The following NTAQ1 variants were observed in gnomAD, a reference collection of about 807,000 sequenced individuals.
NTAQ1 encodes the protein N-terminal glutamine amidase 1, also known as protein N-terminal glutamine amidohydrolase.
Under a neutral mutation model 28.2 loss-of-function variants are expected in NTAQ1, and 21 were observed. The observed-to-expected ratio is 0.74, with a 90% confidence interval of 0.53 to 1.07. The LOEUF (loss-of-function observed/expected upper bound fraction) is 1.07, where lower values mean the gene tolerates loss of function less well. NTAQ1 is among the 50% of genes least tolerant of loss of function. The probability of loss-of-function intolerance (pLI) is 0.00; values close to 1 mark genes in which losing one functional copy is unlikely to be tolerated. For missense variants in NTAQ1, 264 were observed against 256.6 expected, an observed-to-expected ratio of 1.03 and a Z score of -0.20; for synonymous variants, 105 against 90.0, an observed-to-expected ratio of 1.17 and a Z score of -0.94.
Position 123,436,493 on chromosome 8 carries a change from A to G in NTAQ1, c.275A>G (p.Gln92Arg). 2 of 1,613,900 alleles carry G rather than the reference A, an allele frequency of 1.2e-6. No homozygotes were observed. Among genetic ancestry groups the G allele is most frequent in the Non-Finnish European group, 1.7e-6 (2 of 1,179,898 alleles). Residue 92 changes from glutamine (Q) to arginine (R), a missense_variant, in exon 4 of 6, where the codon CAG becomes CGG. Transcript: ENST00000287387. ...VVLLHVSSGGQNFIYDLDTVL... is the reference protein window; with the variant it reads ...VVLLHVSSGGRNFIYDLDTVL... ...TTGCTTCATGTTTCAAGTGGAGGACAGAACTTCATTTATGATCTCGATACT... is the reference window on the plus strand; with the variant it reads ...TTGCTTCATGTTTCAAGTGGAGGACGGAACTTCATTTATGATCTCGATACT...
downstream of NTAQ1, among the ~76,000 whole-genome samples, chr8:123,449,446 T>C (rs527685389): frequency 1.4e-3 from 216 of 152,308 alleles, 1 homozygote; most frequent in African/African-American, 5.0e-3. Context: ...CTGCGTGTGG[T>C]GGCTCATGCC....
At chr8:123,450,648 C>T (rs6999104), downstream of NTAQ1, among the ~76,000 whole-genome samples, 39 of 152,280 alleles carry the variant, frequency 2.6e-4, no homozygotes, top group African/African-American at 9.4e-4. Flanking sequence ...TGACTCGATC[C>T]ATCCCTTGGT....
At chr8:123,436,319 C>A in intron 3 of NTAQ1, 134 bp from the exon 4 acceptor site, 1 of 701,206 alleles carries the variant, frequency 1.4e-6, no homozygotes, top group Non-Finnish European at 2.2e-6. Flanking sequence ...GTTGTGTTTG[C>A]TTTATTCTAT....
downstream of NTAQ1, among the ~76,000 whole-genome samples, chr8:123,445,751 G>A (rs1016413808): frequency 5.3e-5 from 8 of 151,776 alleles, no homozygotes; most frequent in South Asian, 2.1e-4. Flanking sequence ...GATTACAGGC[G>A]TGCACCACCA....
At chr8:123,426,636 G>C (rs1164406677) in intron 1 of NTAQ1, among the ~76,000 whole-genome samples, 2 of 151,592 alleles carry the variant, frequency 1.3e-5, no homozygotes, top group Non-Finnish European at 2.9e-5. Context: ...ACTTCATTCA[G>C]CCTGGGCTAT....
intron 3 of NTAQ1, chr8:123,435,391 T>C: frequency 2.4e-6 from 2 of 849,450 alleles, no homozygotes; most frequent in African/African-American, 1.8e-5. Flanking sequence ...TTTCTTTTAA[T>C]TGCAAAAGTG....
intron 1 of NTAQ1, among the ~76,000 whole-genome samples, chr8:123,422,109 C>CCTGT (rs36113847): frequency 0.71 from 107,897 of 151,676 alleles, 38,712 homozygotes; most frequent in East Asian, 0.93. Context: ...AGCCACTGTG[C>CCTGT]CTATCTGCTT....
Position 123,424,107 on chromosome 8 carries a change from C to G in NTAQ1, c.84-3817C>G, listed in dbSNP as rs373254208. On this transcript the variant is annotated intron_variant, in intron 1 of 5. Coordinates refer to ENST00000287387, the MANE Select transcript of NTAQ1 (RefSeq NM_018024.3). ...TTTTTTTTTGAGATGAAGTCTCACTCTGTCACCCAGGCTGGAGTGCAGTGG... is the reference window on the plus strand; with the variant it reads ...TTTTTTTTTGAGATGAAGTCTCACTGTGTCACCCAGGCTGGAGTGCAGTGG... 5.7e-3 allele frequency among the ~76,000 whole-genome samples: 735 copies of G among 130,056 alleles called. 6 individuals carry two copies. The highest frequency in any genetic ancestry group is 0.011 in the Middle Eastern group (2 of 188). The allele number at this position is 130,056 out of a possible 152,430, so 85.3% of individuals were successfully genotyped here.
downstream of NTAQ1, among the ~76,000 whole-genome samples, chr8:123,443,598 A>G (rs1183673265): frequency 1.3e-5 from 2 of 150,682 alleles, no homozygotes; most frequent in East Asian, 3.9e-4. Flanking sequence ...TGTTTTTGAG[A>G]CTCTCTTGCT....
At chr8:123,436,627 T>C in intron 4 of NTAQ1, 26 bp downstream of exon 4, 1 of 1,596,458 alleles carries the variant, frequency 6.3e-7, no homozygotes, top group South Asian at 1.2e-5. Flanking sequence ...ATGGATTTAC[T>C]TATTTTCTGA....
At chr8:123,445,438 A>G (rs1815239328), downstream of NTAQ1, among the ~76,000 whole-genome samples, 1 of 152,196 alleles carries the variant, frequency 6.6e-6, no homozygotes, top group Admixed American at 6.5e-5. Flanking sequence ...GAAAATATCT[A>G]CATTATTTTT....
chr8:123,462,467 A>G (rs1000843429), intron 6 of NTAQ1, among the ~76,000 whole-genome samples: 2 of 152,200 alleles, frequency 1.3e-5, no homozygotes, highest in Non-Finnish European at 2.9e-5. Context: ...TTTTTGAAGT[A>G]CACAAGGCAC....
rs1442817942 is a variant in NTAQ1, at chr8:123,437,320, G to T, written c.494G>T (p.Cys165Phe). 2 of 1,614,108 alleles carry T rather than the reference G, an allele frequency of 1.2e-6. No individual in the cohort carries two copies. Among genetic ancestry groups the T allele is most frequent in the East Asian group, 4.5e-5 (2 of 44,888 alleles). ...AGAGAGCCTCCGCCGCCATATCCCT[G>T]CATTGAGACTGGAGGTGAGCCAAGA... is the stretch of plus-strand genomic sequence containing the variant. The part of the protein sequence containing the change: ...NWREPPPPYP[C>F]IETGDSKMNL... Residue 165 changes from cysteine (C) to phenylalanine (F), a missense_variant, in exon 5 of 6, where the codon TGC becomes TTC. Physicochemically the swap from Cys to Phe is radical, Grantham distance 205. Transcript: ENST00000287387.
intron 5 of NTAQ1, among the ~76,000 whole-genome samples, chr8:123,440,889 T>C (rs1815025359): frequency 1.3e-5 from 2 of 152,266 alleles, no homozygotes; most frequent in Non-Finnish European, 2.9e-5. Context: ...ATGTTACGAG[T>C]TCTCTCCACT....
intron 6 of NTAQ1, among the ~76,000 whole-genome samples, chr8:123,464,155 T>C (rs1294121359): frequency 6.6e-6 from 1 of 152,200 alleles, no homozygotes; most frequent in East Asian, 1.9e-4. Flanking sequence ...ATGTGTTTAT[T>C]AGCAGTGTGA....
intron 6 of NTAQ1, among the ~76,000 whole-genome samples, chr8:123,455,800 G>A (rs1815633911): frequency 6.6e-6 from 1 of 152,130 alleles, no homozygotes; most frequent in Admixed American, 6.6e-5. Flanking sequence ...CTGGGACCAT[G>A]TATCATGAAA....
intron 1 of NTAQ1, among the ~76,000 whole-genome samples, chr8:123,418,326 C>A (rs1813437582): frequency 1.3e-5 from 2 of 151,934 alleles, no homozygotes; most frequent in Non-Finnish European, 2.9e-5. Context: ...TGGCGTGCAC[C>A]TGTAATCCCA....
intron 6 of NTAQ1, among the ~76,000 whole-genome samples, chr8:123,454,644 G>T (rs1815596363): frequency 6.6e-6 from 1 of 152,152 alleles, no homozygotes; most frequent in Admixed American, 6.5e-5. Flanking sequence ...TAGCCTTGGT[G>T]CCCAGACCTG....
chr8:123,461,169 G>T (rs1468040864), intron 6 of NTAQ1, among the ~76,000 whole-genome samples: 3 of 152,158 alleles, frequency 2.0e-5, no homozygotes, highest in African/African-American at 7.2e-5. Context: ...GGTGGGAGTA[G>T]GTGGATAAGT....
Sources: allele counts gnomAD v4.1 joint callset (sites outside exome capture counted in the v4.1 genomes callset), GRCh38; gene constraint gnomAD v4.1.1; transcripts MANE v1.5; gene names NCBI Gene and HGNC (gene_info 2026-07-23, HGNC 2026-07-21).